The following CPS1 variants were observed in gnomAD, a reference collection of about 807,000 sequenced individuals.
CPS1 encodes carbamoyl-phosphate synthase [ammonia], mitochondrial.
In CPS1, 109 loss-of-function variants were observed where a neutral mutation model predicts 174.6. The observed-to-expected ratio is 0.62, with a 90% CI of 0.53 to 0.73. CPS1 has a LOEUF of 0.73. Among genes scored for constraint, CPS1 ranks in the 30% least tolerant of loss-of-function variants. CPS1 has a pLI of 0.00. For synonymous variants in CPS1, 637 were observed against 632.0 expected, an observed-to-expected ratio of 1.01 and a Z score of -0.12; for missense variants, 1,689 against 1,821.9, an observed-to-expected ratio of 0.93 and a Z score of 1.33.
At chr2:210,584,746 G>T (rs1698050836) in intron 6 of CPS1, among the ~76,000 whole-genome samples, 1 of 152,028 alleles carries the variant, frequency 6.6e-6, no homozygotes, top group Non-Finnish European at 1.5e-5. Context: ...CAGAGTCTCT[G>T]TGGCTAACCT....
intron 1 of CPS1, among the ~76,000 whole-genome samples, chr2:210,500,954 A>G (rs1169649689): frequency 1.3e-5 from 2 of 152,242 alleles, no homozygotes; most frequent in African/African-American, 2.4e-5. Flanking sequence ...AGGTGTTTCC[A>G]TATATCCTCT....
intron 31 of CPS1, among the ~76,000 whole-genome samples, chr2:210,659,604 A>C (rs73076049): frequency 0.023 from 3,452 of 152,280 alleles, 133 homozygotes; most frequent in African/African-American, 0.079. Context: ...TCCAGACCAT[A>C]GTAGTAACCA....
intron 1 of CPS1, among the ~76,000 whole-genome samples, chr2:210,532,001 T>C (rs531761849): frequency 1.3e-5 from 2 of 152,270 alleles, no homozygotes; most frequent in South Asian, 4.1e-4. Flanking sequence ...TGATGCTTTC[T>C]TCCAAGGATG....
intron 8 of CPS1, among the ~76,000 whole-genome samples, chr2:210,590,519 C>T (rs1698258140): frequency 6.6e-6 from 1 of 151,912 alleles, no homozygotes; most frequent in African/African-American, 2.4e-5. Context: ...CAGTTTTAAA[C>T]CGACAACTCA....
rs75046491 is a variant in CPS1, at chr2:210,596,277, A to T, written c.1359+695A>T. ...TTAATGTATTTCTCTTGAGGAGTTC[A>T]GTTGGTACCCCTCGTTGTGCTAATC... On this transcript the variant is annotated intron_variant, in intron 13 of 37. Coordinates refer to ENST00000233072, the MANE Select transcript of CPS1 (RefSeq NM_001875.5). Among the ~76,000 whole-genome samples the T allele has an allele frequency of 4.9e-3, 749 of 152,012 alleles. 14 individuals are homozygous for T. In the East Asian group the frequency reaches 0.053, roughly 11 times the overall value.
chr2:210,590,406 G>C (rs748714381), intron 8 of CPS1, among the ~76,000 whole-genome samples, 172 bp downstream of exon 8: 1 of 152,008 alleles, frequency 6.6e-6, no homozygotes, highest in African/African-American at 2.4e-5. Context: ...AATGAGGAGA[G>C]AATATCAGAG....
intron 2 of CPS1, among the ~76,000 whole-genome samples, chr2:210,574,426 T>G (rs971608418): frequency 2.6e-5 from 4 of 152,134 alleles, no homozygotes; most frequent in African/African-American, 9.7e-5. Context: ...ATTATTAATT[T>G]ATATTCTTTC....
chr2:210,638,776 G>C (rs1287808893), intron 22 of CPS1, among the ~76,000 whole-genome samples: 1 of 152,274 alleles, frequency 6.6e-6, no homozygotes, highest in African/African-American at 2.4e-5. Flanking sequence ...TAATTTGCAA[G>C]CCAAAGAGAT....
intron 27 of CPS1, among the ~76,000 whole-genome samples, chr2:210,649,290 G>A (rs571771832): frequency 4.6e-5 from 7 of 152,162 alleles, no homozygotes; most frequent in Non-Finnish European, 7.4e-5. Flanking sequence ...CCTGTTTGAG[G>A]AGTTAATGTA....
At chr2:210,508,136 C>G (rs1322385647) in intron 1 of CPS1, among the ~76,000 whole-genome samples, 1 of 149,722 alleles carries the variant, frequency 6.7e-6, no homozygotes, top group African/African-American at 2.4e-5. Flanking sequence ...AAGTAAAGCA[C>G]TCCTCAGCAA....
At chr2:210,517,958 G>C (rs1186972394) in intron 1 of CPS1, among the ~76,000 whole-genome samples, 1 of 151,940 alleles carries the variant, frequency 6.6e-6, no homozygotes, top group Non-Finnish European at 1.5e-5. Flanking sequence ...CATTATACAT[G>C]CTATCTATGT....
At chr2:210,590,747 C>A in intron 8 of CPS1, 53 bp from the exon 9 acceptor site, 1 of 1,405,302 alleles carries the variant, frequency 7.1e-7, no homozygotes, top group Non-Finnish European at 1.0e-6. Context: ...CATTCAGAAG[C>A]AACATTTTTT....
chr2:210,604,972 A>G, intron 16 of CPS1, 130 bp from the exon 17 acceptor site: 1 of 927,798 alleles, frequency 1.1e-6, no homozygotes, highest in Non-Finnish European at 1.7e-6. Context: ...CCTTCTGTGC[A>G]GGGGAGAATG....
chr2:210,484,966 C>T (rs1036836080), intron 1 of CPS1, among the ~76,000 whole-genome samples: 7 of 152,020 alleles, frequency 4.6e-5, no homozygotes, highest in South Asian at 2.1e-4. Flanking sequence ...TGGTGGCTCA[C>T]GCCTGTAATC....
intron 1 of CPS1, among the ~76,000 whole-genome samples, chr2:210,570,693 TTTTTC>T (rs1697447124): frequency 6.6e-6 from 1 of 151,904 alleles, no homozygotes. Flanking sequence ...AATTTTTTTC[TTTTTC>T]TTTTCATTTT....
intron 34 of CPS1, chr2:210,671,585 T>C (rs1701304749): frequency 6.6e-6 from 1 of 152,240 alleles, no homozygotes; most frequent in Non-Finnish European, 1.5e-5. Flanking sequence ...CAATCAGCTT[T>C]TAAATCTGAG....
chr2:210,625,216 T>G (rs1283720819), intron 21 of CPS1, among the ~76,000 whole-genome samples: 3 of 152,052 alleles, frequency 2.0e-5, no homozygotes, highest in Non-Finnish European at 2.9e-5. Context: ...ATTCAGTCAT[T>G]ATTTATTGGG....
At chr2:210,520,480 T>C (rs931494546) in intron 1 of CPS1, among the ~76,000 whole-genome samples, 1 of 151,954 alleles carries the variant, frequency 6.6e-6, no homozygotes, top group African/African-American at 2.4e-5. Context: ...CACCTCACGA[T>C]GGGCCCCAGT....
At chr2:210,555,195 T>C (rs925042319), upstream of CPS1, among the ~76,000 whole-genome samples, 4 of 152,010 alleles carry the variant, frequency 2.6e-5, no homozygotes, top group African/African-American at 4.8e-5. Context: ...TTCATGCCTC[T>C]AGGCTATTGC....
Sources: allele counts gnomAD v4.1 joint callset (sites outside exome capture counted in the v4.1 genomes callset), GRCh38; gene constraint gnomAD v4.1.1; transcripts MANE v1.5; gene names NCBI Gene and HGNC (gene_info 2026-07-23, HGNC 2026-07-21).